The following UBASH3B variants were observed in gnomAD, a reference collection of about 807,000 sequenced individuals.
UBASH3B encodes the protein ubiquitin-associated and SH3 domain-containing protein B.
Under a neutral mutation model 83.4 loss-of-function variants are expected in UBASH3B, and 37 were observed. That is an observed-to-expected ratio of 0.44 (90% CI 0.34 to 0.58). The LOEUF (loss-of-function observed/expected upper bound fraction) is 0.58, where lower values mean the gene tolerates loss of function less well. Ranked by LOEUF, UBASH3B falls within the 20% of genes least tolerant of loss-of-function variation. The probability of loss-of-function intolerance (pLI) is 0.01; values close to 1 mark genes in which losing one functional copy is unlikely to be tolerated. For missense variants in UBASH3B, 657 were observed against 827.2 expected (o/e 0.79, Z 2.52); for synonymous variants, 304 against 318.3 (o/e 0.96, Z 0.48).
chr11:122,755,549 T>G (rs1248113273), intron 1 of UBASH3B, among the ~76,000 whole-genome samples: 1 of 152,156 alleles, frequency 6.6e-6, no homozygotes, highest in African/African-American at 2.4e-5. Flanking sequence ...AAAATGGCTC[T>G]GCAGGGAAAA....
intron 1 of UBASH3B, among the ~76,000 whole-genome samples, chr11:122,704,608 C>G (rs1864091715): frequency 6.6e-6 from 1 of 151,910 alleles, no homozygotes; most frequent in South Asian, 2.1e-4. Flanking sequence ...CTCCCAGGTT[C>G]AAGCAATTCT....
chr11:122,761,146 T>A (rs1183291514), intron 1 of UBASH3B, among the ~76,000 whole-genome samples: 1 of 152,178 alleles, frequency 6.6e-6, no homozygotes, highest in Non-Finnish European at 1.5e-5. Flanking sequence ...GGAGGGTTTC[T>A]CTTAAGTGGC....
chr11:122,713,056 C>G (rs1045492801), intron 1 of UBASH3B, among the ~76,000 whole-genome samples: 1 of 151,628 alleles, frequency 6.6e-6, no homozygotes, highest in East Asian at 1.9e-4. Context: ...TACAGGCACC[C>G]GCCACCACGC....
chr11:122,687,096 C>T (rs1425778654), intron 1 of UBASH3B, among the ~76,000 whole-genome samples: 2 of 151,952 alleles, frequency 1.3e-5, no homozygotes, highest in African/African-American at 4.8e-5. Flanking sequence ...CTCGAACTCC[C>T]GACCTCAAGC....
chr11:122,711,786 A>AT (rs1864196116), intron 1 of UBASH3B, among the ~76,000 whole-genome samples: 1 of 152,196 alleles, frequency 6.6e-6, no homozygotes, highest in African/African-American at 2.4e-5. Context: ...CCTGCCTTCA[A>AT]TGTCCCACTG....
chr11:122,752,721 G>A (rs1270590230), intron 1 of UBASH3B, among the ~76,000 whole-genome samples: 1 of 152,202 alleles, frequency 6.6e-6, no homozygotes, highest in East Asian at 1.9e-4. Flanking sequence ...CCAAGGCAGG[G>A]AGAGCCGTTG....
chr11:122,671,481 C>G (rs1863592413), intron 1 of UBASH3B, among the ~76,000 whole-genome samples: 2 of 152,230 alleles, frequency 1.3e-5, no homozygotes, highest in Admixed American at 1.3e-4. Flanking sequence ...TTTTCTACAT[C>G]AGGTTGGAGG....
At chr11:122,688,738 G>A (rs1375470871) in intron 1 of UBASH3B, among the ~76,000 whole-genome samples, 59 of 150,240 alleles carry the variant, frequency 3.9e-4, no homozygotes, top group African/African-American at 1.1e-3. Flanking sequence ...TCCGCCTCCC[G>A]GGTTCACCCC....
intron 1 of UBASH3B, among the ~76,000 whole-genome samples, chr11:122,685,942 T>C (rs536945528): frequency 1.3e-5 from 2 of 152,282 alleles, no homozygotes; most frequent in East Asian, 3.9e-4. Flanking sequence ...CCACCATTTA[T>C]TGAGGAGAAA....
intron 1 of UBASH3B, among the ~76,000 whole-genome samples, chr11:122,688,231 TTTTC>T (rs893590023): frequency 1.3e-5 from 2 of 151,850 alleles, no homozygotes; most frequent in Non-Finnish European, 2.9e-5. Flanking sequence ...TTGCCTTTCT[TTTTC>T]TTTCTTTCTT....
At position 122,758,522 on chromosome 11, in the gene UBASH3B, C is replaced by T. The variant is rs1861319007; in HGVS notation, c.162-17697C>T. 6.6e-6 allele frequency among the ~76,000 whole-genome samples: 1 copy of T among 152,120 alleles called. No individual in the cohort carries two copies. Among genetic ancestry groups the T allele is most frequent in the Non-Finnish European group, 1.5e-5 (1 of 68,010 alleles). ...TGGAAAGGGCAGTCAGTGGTGGGGG[C>T]GGAGGGGGCACCCAGTGGCCGTAGA... On this transcript the variant is annotated intron_variant, in intron 1 of 13. Transcript: ENST00000284273. This position sits in a 1 kb window ranked among gnomAD's most constrained non-coding sequence, Gnocchi z 4.2.
intron 1 of UBASH3B, among the ~76,000 whole-genome samples, chr11:122,754,157 C>T (rs1410482915): frequency 1.3e-5 from 2 of 152,218 alleles, no homozygotes; most frequent in Non-Finnish European, 2.9e-5. Flanking sequence ...GTGAGGAGAA[C>T]TCCAAAGGTT....
intron 7 of UBASH3B, among the ~76,000 whole-genome samples, 193 bp from the exon 8 acceptor site, chr11:122,795,963 A>G (rs1376282917): frequency 6.6e-6 from 1 of 152,216 alleles, no homozygotes; most frequent in Non-Finnish European, 1.5e-5. Flanking sequence ...TTCCTATTTT[A>G]TAAAGCACAT....
intron 1 of UBASH3B, among the ~76,000 whole-genome samples, chr11:122,712,222 T>C (rs1864203201): frequency 3.3e-5 from 5 of 152,162 alleles, no homozygotes; most frequent in Admixed American, 3.3e-4. Context: ...TGTGTACATT[T>C]TGAACGAGCT....
intron 1 of UBASH3B, among the ~76,000 whole-genome samples, chr11:122,727,152 G>A (rs1591788723): frequency 1.3e-5 from 2 of 152,148 alleles, no homozygotes; most frequent in African/African-American, 2.4e-5. Context: ...ATTTTAAGCC[G>A]CGTCCTGCCG....
intron 11 of UBASH3B, among the ~76,000 whole-genome samples, chr11:122,803,555 A>AAAAC (rs1457399995): frequency 2.6e-5 from 4 of 152,112 alleles, no homozygotes; most frequent in Non-Finnish European, 5.9e-5. Flanking sequence ...GGGGGGGTTG[A>AAAAC]AAACAACCCC....
chr11:122,804,296 T>C (rs1325205520), intron 11 of UBASH3B, among the ~76,000 whole-genome samples: 1 of 152,134 alleles, frequency 6.6e-6, no homozygotes, highest in African/African-American at 2.4e-5. Flanking sequence ...GATTCAGGTC[T>C]CTACCTATCC....
chr11:122,674,831 C>A (rs1277553994), intron 1 of UBASH3B, among the ~76,000 whole-genome samples: 1 of 149,608 alleles, frequency 6.7e-6, no homozygotes, highest in African/African-American at 2.5e-5. Context: ...TGGGTTCAAG[C>A]GATTCTCCTG....
intron 10 of UBASH3B, among the ~76,000 whole-genome samples, chr11:122,800,427 G>T (rs531371461): frequency 6.7e-6 from 1 of 150,070 alleles, no homozygotes; most frequent in African/African-American, 2.4e-5. Flanking sequence ...GGTGGCAGGC[G>T]CCTGTAATCC....
Sources: gnomAD v4.1 joint callset for allele counts (sites outside exome capture counted in the v4.1 genomes callset) on GRCh38, gnomAD v4.1.1 for gene constraint, Gnocchi (gnomAD v3.1) non-coding constraint, MANE v1.5 for transcripts, NCBI Gene and HGNC (gene_info 2026-07-23, HGNC 2026-07-21) for gene names.